CACNA1G: variants seen among roughly 807,000 people sequenced by gnomAD.
CACNA1G encodes calcium voltage-gated channel subunit alpha1 G.
A neutral mutation model predicts 219.4 loss-of-function variants in CACNA1G; 67 were observed. That is an observed-to-expected ratio of 0.31 (90% CI 0.25 to 0.37). The LOEUF (loss-of-function observed/expected upper bound fraction) is 0.37. CACNA1G is among the 10% of genes least tolerant of loss of function. The pLI is 1.00. For synonymous variants in CACNA1G, 1,296 were observed against 1,345.3 expected (o/e 0.96, Z 0.80); for missense variants, 2,380 against 3,231.4 (o/e 0.74, Z 6.39).
In CACNA1G at chr17:50,596,786, A is replaced by T. The variant is rs773040639; in HGVS notation, c.3121A>T (p.Ile1041Phe). The T allele has an allele frequency of 6.2e-7, 1 of 1,611,734 alleles. No homozygotes were observed. Among genetic ancestry groups the T allele is most frequent in the Non-Finnish European group, 8.5e-7 (1 of 1,179,634 alleles). ...GAAGAGCCTGCTGCCGCCTCTCATC[A>T]TCCACACGGCCGCCACACCCATGTC... ...LRKSLLPPLIIHTAATPMSLP... is the reference protein window; with the variant it reads ...LRKSLLPPLIFHTAATPMSLP... Residue 1041 changes from isoleucine to phenylalanine, a missense_variant, in exon 16 of 38, where the codon ATC (isoleucine) becomes TTC (phenylalanine). Physicochemically the swap from Ile to Phe is conservative, Grantham distance 21 (BLOSUM62 0). Around this residue, in one of 17 missense-constraint regions of CACNA1G, gnomAD observed 418 missense variants for 434.3 expected, o/e 0.96. Transcript: ENST00000359106. This position sits in a 1 kb window ranked among gnomAD's most constrained non-coding sequence, Gnocchi z 4.8.
chr17:50,569,460 A>G (rs2038851095), intron 3 of CACNA1G, among the ~76,000 whole-genome samples, 162 bp downstream of exon 3: 1 of 151,840 alleles, frequency 6.6e-6, no homozygotes, highest in Admixed American at 6.6e-5. Flanking sequence ...CTAGCACTGT[A>G]GCCTATATTC....
chr17:50,598,871 C>T (rs1440503920), intron 16 of CACNA1G, among the ~76,000 whole-genome samples: 6 of 152,256 alleles, frequency 3.9e-5, no homozygotes, highest in East Asian at 3.9e-4. Context: ...GGATTACAGG[C>T]GTGAGCCACC....
At chr17:50,615,056 G>A (rs540319390) in intron 26 of CACNA1G, among the ~76,000 whole-genome samples, 120 of 152,258 alleles carry the variant, frequency 7.9e-4, no homozygotes, top group African/African-American at 2.7e-3. Context: ...GGTGTTATGA[G>A]GGGCTGGTGG....
At chr17:50,581,337 C>T (rs916768392) in intron 9 of CACNA1G, among the ~76,000 whole-genome samples, 2 of 151,980 alleles carry the variant, frequency 1.3e-5, no homozygotes, top group Non-Finnish European at 2.9e-5. Context: ...AGGCTCACGG[C>T]TTCCCTGCGG....
chr17:50,615,539 G>C (rs113993726), intron 27 of CACNA1G, 27 bp downstream of exon 27: 34 of 1,603,832 alleles, frequency 2.1e-5, no homozygotes, highest in Non-Finnish European at 3.4e-6. Flanking sequence ...CAGCCATCTG[G>C]CCCCCCCACC....
intron 33 of CACNA1G, among the ~76,000 whole-genome samples, chr17:50,619,427 C>A (rs918029685): frequency 4.6e-5 from 7 of 152,116 alleles, no homozygotes; most frequent in Non-Finnish European, 7.4e-5. Flanking sequence ...TCTCTCCCCC[C>A]GCCGTGGGCT....
At position 50,571,698 on chromosome 17, in the gene CACNA1G, CA is replaced by C. The variant is rs1160220230; in HGVS notation, c.587-178del. Among the ~76,000 whole-genome samples, 8 of 152,170 alleles carry C rather than the reference CA, an allele frequency of 5.3e-5. No homozygotes were observed. Among genetic ancestry groups the C allele is most frequent in the Non-Finnish European group, 7.4e-5 (5 of 68,002 alleles). ...AGCCACAAGGGGAAGTGGGTCGGGGCAAGGGGCTGCAGAGGCTATCTGGGGA... is the reference window on the plus strand; with the variant it reads ...AGCCACAAGGGGAAGTGGGTCGGGGCAGGGGCTGCAGAGGCTATCTGGGGA... On this transcript the variant is annotated intron_variant, in intron 4 of 37. Transcript: ENST00000359106. This position sits in a 1 kb window ranked among gnomAD's most constrained non-coding sequence, Gnocchi z 4.3.
At chr17:50,615,536 C>G in intron 27 of CACNA1G, 24 bp downstream of exon 27, 1 of 1,607,166 alleles carries the variant, frequency 6.2e-7, no homozygotes, top group Non-Finnish European at 8.5e-7. Context: ...GACCAGCCAT[C>G]TGGCCCCCCC....
chr17:50,589,912 C>CTCTCTCTCTCTCTCTCTG lies in CACNA1G; in HGVS notation c.2302-558_2302-557insCTCTCTCTCTCTCTCTGT, dbSNP rs1326523232. On this transcript the variant is annotated intron_variant, in intron 9 of 37. Transcript: ENST00000359106. ...TGCATTTTTCTCTCTCTCTCTCTCT[C>CTCTCTCTCTCTCTCTCTG]TGTGTGTGTGTGTGTGTGTGTGTGT... is the stretch of plus-strand genomic sequence containing the variant. Among the ~76,000 whole-genome samples, 71 of 141,922 alleles carry CTCTCTCTCTCTCTCTCTG rather than the reference C, an allele frequency of 5.0e-4. 1 individual carries two copies. The highest frequency in any genetic ancestry group is 1.7e-3 in the African/African-American group (61 of 35,264). The allele number at this position is 141,922 out of a possible 152,430, so 93.1% of individuals were successfully genotyped here.
At chr17:50,577,468 G>A (rs752909723) in intron 8 of CACNA1G, among the ~76,000 whole-genome samples, 5 of 149,006 alleles carry the variant, frequency 3.4e-5, no homozygotes, top group Non-Finnish European at 5.9e-5. Context: ...GCGTGTATGC[G>A]TCTATGTCCA....
In CACNA1G at chr17:50,613,372, C is replaced by T. The variant is rs61209781; in HGVS notation, c.4760-1989C>T. On this transcript the variant is annotated intron_variant, in intron 26 of 37. Transcript: ENST00000359106. ...GGGTGTTTGTACAGACCTCAGGGGC[C>T]GGGACCTGTCTATAAGCAGATGCCC... Among the ~76,000 whole-genome samples the T allele has an allele frequency of 1.1e-4, 16 of 152,272 alleles. No homozygotes were observed. In the East Asian group the frequency reaches 1.4e-3, roughly 13 times the overall value.
At position 50,578,522 on chromosome 17, in the gene CACNA1G, C is replaced by T. The variant is rs2041205690; in HGVS notation, c.2259C>T (p.Ile753=). 1 of 1,578,578 alleles carries T rather than the reference C, an allele frequency of 6.3e-7. No individual in the cohort carries two copies. The highest frequency in any genetic ancestry group is 8.6e-7 in the Non-Finnish European group (1 of 1,160,596). ...TTGGCCGGGGAATCATGATCGCCAT[C>T]CTGGTCAACACACTCAGCATGGGCA... is the stretch of plus-strand genomic sequence containing the variant. ...KYFGRGIMIA[I]LVNTLSMGIE... Residue 753 remains isoleucine (I), a synonymous_variant, in exon 9 of 38, where the codon ATC becomes ATT. Transcript: ENST00000359106. This position sits in a 1 kb window ranked among gnomAD's most constrained non-coding sequence, Gnocchi z 4.5.
chr17:50,568,461 G>A (rs888502602), intron 1 of CACNA1G, among the ~76,000 whole-genome samples: 2 of 152,242 alleles, frequency 1.3e-5, no homozygotes, highest in Admixed American at 6.5e-5. Context: ...CTTTAGGTTT[G>A]TATAACACAT....
In CACNA1G at chr17:50,591,461, G is replaced by A. The variant is rs576186017; in HGVS notation, c.2480G>A (p.Gly827Glu). The A allele has an allele frequency of 1.9e-6, 3 of 1,591,144 alleles. No individual in the cohort carries two copies. The highest frequency in any genetic ancestry group is 1.7e-5 in the Admixed American group (1 of 58,224). The change falls in exon 11 of 38, where the codon GGG becomes GAG. Residue 827 changes from glycine (G) to glutamate (E), a missense_variant. Physicochemically the swap from Gly to Glu is moderately conservative, Grantham distance 98. Transcript: ENST00000359106. ...GTGTGGGAGATCGTGGGCCAGCAGG[G>A]GGGCGGCCTGTCGGTGCTGCGGACC... ...ISVWEIVGQQ[G>E]GGLSVLRTFR...
chr17:50,607,854 C>T lies in CACNA1G; in HGVS notation c.4540C>T (p.Leu1514=). 1.2e-6 allele frequency: 2 copies of T among 1,613,966 alleles called. No individual in the cohort carries two copies. ...QPIMNHNPWM[L]LYFISFLLIV... ...CATCATGAACCACAACCCCTGGATGCTGCTGTACTTCATCTCGTTCCTGCT... is the reference window on the plus strand; with the variant it reads ...CATCATGAACCACAACCCCTGGATGTTGCTGTACTTCATCTCGTTCCTGCT... The change falls in exon 25 of 38, where the codon CTG becomes TTG. Residue 1514 remains leucine (L), a synonymous_variant. Transcript: ENST00000359106.
At chr17:50,594,915 C>A in intron 13 of CACNA1G, 78 bp from the exon 14 acceptor site, 2 of 1,112,010 alleles carry the variant, frequency 1.8e-6, no homozygotes, top group South Asian at 1.3e-5. Context: ...TCTTCATCCT[C>A]TCTCGACACT....
At position 50,621,793 on chromosome 17, in the gene CACNA1G, A is replaced by G. The variant is rs2052141047; in HGVS notation, c.6059A>G (p.Asn2020Ser). ...CTCTTACTTAGTGCCCTGGAGAGCA[A>G]TGTACATACACACTGCCCTCACTGC... Reference protein sequence around the residue: ...HTLLLSALESNMQPHPTELPG... With the variant: ...HTLLLSALESSMQPHPTELPG... Residue 2020 changes from asparagine to serine, a missense_variant and splice_region_variant, in exon 35 of 38, where the codon AAT becomes AGT. This residue lies in a region of CACNA1G where 672 missense variants were observed against 670.5 expected (regional missense o/e 1.00). Transcript: ENST00000359106. The surrounding 1 kb of genome is among the most constrained non-coding windows in gnomAD (Gnocchi z 4.6). 6.2e-7 allele frequency: 1 copy of G among 1,613,620 alleles called. No individual in the cohort carries two copies. Among genetic ancestry groups the G allele is most frequent in the Non-Finnish European group, 8.5e-7 (1 of 1,179,840 alleles).
chr17:50,576,683 C>T (rs531728514), intron 8 of CACNA1G, among the ~76,000 whole-genome samples: 1 of 152,302 alleles, frequency 6.6e-6, no homozygotes, highest in Non-Finnish European at 1.5e-5. Context: ...AAGTGATAGG[C>T]TTTCTTAGCA....
intron 28 of CACNA1G, 123 bp downstream of exon 28, chr17:50,616,507 A>G (rs903564632): frequency 3.4e-6 from 2 of 594,492 alleles, no homozygotes; most frequent in African/African-American, 3.7e-5. Context: ...TTCAGCCCCC[A>G]CCCTGTGGCT....
Sources: gnomAD v4.1 joint callset for allele counts (sites outside exome capture counted in the v4.1 genomes callset) on GRCh38, gnomAD v4.1.1 for gene constraint, gnomAD v4.1.1 regional missense constraint, Gnocchi (gnomAD v3.1) non-coding constraint, MANE v1.5 for transcripts, NCBI Gene and HGNC (gene_info 2026-07-23, HGNC 2026-07-21) for gene names.